RORA: variants seen among roughly 807,000 people sequenced by gnomAD.
The protein encoded by RORA is RAR related orphan receptor A, also known as nuclear receptor ROR-alpha.
RORA carries 7 observed loss-of-function variants against 69.5 expected under a neutral mutation model. That is an observed-to-expected ratio of 0.10 (90% CI 0.06 to 0.19). RORA has a LOEUF of 0.19. Among genes scored for constraint, RORA ranks in the 10% least tolerant of loss-of-function variants. The probability of loss-of-function intolerance (pLI) is 1.00; values close to 1 mark genes in which losing one functional copy is unlikely to be tolerated. For missense variants in RORA, 457 were observed against 663.0 expected (o/e 0.69, Z 3.41); for synonymous variants, 261 against 240.8 (o/e 1.08, Z -0.78).
chr15:61,036,939 G>A (rs979623645), intron 1 of RORA, among the ~76,000 whole-genome samples: 7 of 152,180 alleles, frequency 4.6e-5, no homozygotes, highest in Non-Finnish European at 8.8e-5. Context: ...AGGTCTTGGG[G>A]TATCTTCACT....
chr15:61,229,147 G>C lies in RORA; in HGVS notation c.72C>G (p.Ala24=), dbSNP rs1382151280. ...GGTTCAGCGGGGTCTCCCTGGAGCCGGCGGCCGCGTCCGCGCCGCTGCTGC... is the reference window on the plus strand; with the variant it reads ...GGTTCAGCGGGGTCTCCCTGGAGCCCGCGGCCGCGTCCGCGCCGCTGCTGC... The part of the protein sequence containing the change: ...EPGSSGADAA[A]GSRETPLNQE... The change falls in exon 1 of 11, where the codon GCC becomes GCG. Residue 24 remains alanine (A), a synonymous_variant. Coordinates refer to ENST00000335670, the MANE Select transcript of RORA (RefSeq NM_134261.3). The C allele has an allele frequency of 6.5e-7, 1 of 1,543,912 alleles. No individual in the cohort carries two copies.
intron 1 of RORA, chr15:60,841,185 A>G: frequency 1.9e-6 from 1 of 532,428 alleles, no homozygotes; most frequent in Non-Finnish European, 2.4e-6. Flanking sequence ...GAAAGAACAC[A>G]CACCCATAGA....
intron 1 of RORA, among the ~76,000 whole-genome samples, chr15:60,733,955 A>AGAGAGAGAGAGAGAGAGAG (rs66995570): frequency 7.1e-6 from 1 of 141,438 alleles, no homozygotes; most frequent in African/African-American, 2.7e-5. Context: ...AGAGAGAGAG[A>AGAGAGAGAGAGAGAGAGAG]AAGAGAAAGG....
chr15:60,812,071 C>G, intron 1 of RORA, among the ~76,000 whole-genome samples: 1 of 152,280 alleles, frequency 6.6e-6, no homozygotes, highest in Non-Finnish European at 1.5e-5. Context: ...AGCATGGCAT[C>G]TCTGATCACA....
chr15:60,852,091 C>G (rs981362345), intron 1 of RORA, among the ~76,000 whole-genome samples: 1 of 152,124 alleles, frequency 6.6e-6, no homozygotes, highest in African/African-American at 2.4e-5. Context: ...GGATCCCTGC[C>G]CCGATGGCAC....
At chr15:60,838,049 C>T (rs1324943091) in intron 1 of RORA, among the ~76,000 whole-genome samples, 5 of 152,188 alleles carry the variant, frequency 3.3e-5, no homozygotes, top group African/African-American at 1.2e-4. Flanking sequence ...CATCCAGATC[C>T]TTCAAGGCTT....
intron 1 of RORA, among the ~76,000 whole-genome samples, chr15:60,873,200 T>C (rs1194055265): frequency 1.3e-5 from 2 of 151,866 alleles, no homozygotes; most frequent in Non-Finnish European, 2.9e-5. Context: ...CCACACCAGA[T>C]TGTGGTCTTC....
intron 2 of RORA, among the ~76,000 whole-genome samples, chr15:60,675,917 A>G (rs1820358): frequency 1.2e-3 from 188 of 152,284 alleles, no homozygotes; most frequent in South Asian, 4.6e-3. Context: ...GGAAACCAAG[A>G]TTGAAATTGC....
chr15:60,726,267 T>C (rs1215002448), intron 1 of RORA, among the ~76,000 whole-genome samples: 2 of 151,948 alleles, frequency 1.3e-5, no homozygotes, highest in Non-Finnish European at 2.9e-5. Flanking sequence ...ATGAAGGAAA[T>C]GAAGGTTAAT....
chr15:61,185,989 A>G (rs1464233476), intron 1 of RORA, among the ~76,000 whole-genome samples: 1 of 152,202 alleles, frequency 6.6e-6, no homozygotes, highest in Non-Finnish European at 1.5e-5. Context: ...ACAGTGGTTA[A>G]CCTTCACTCT....
At chr15:61,092,855 C>T (rs933284363) in intron 1 of RORA, among the ~76,000 whole-genome samples, 3 of 152,208 alleles carry the variant, frequency 2.0e-5, no homozygotes, top group South Asian at 2.1e-4. Context: ...GAAGCAAGTG[C>T]TAAGGGAATT....
At chr15:60,551,323 C>T (rs902607633) in intron 2 of RORA, among the ~76,000 whole-genome samples, 6 of 151,838 alleles carry the variant, frequency 4.0e-5, no homozygotes, top group Non-Finnish European at 8.8e-5. Flanking sequence ...AGATAACAAG[C>T]AGAAGCCGGT....
At chr15:60,520,028 T>C (rs916886110) in intron 3 of RORA, 3 of 152,140 alleles carry the variant, frequency 2.0e-5, no homozygotes, top group Non-Finnish European at 4.4e-5. Context: ...GGATTACCCT[T>C]ATTTGGAAGT....
chr15:60,856,194 A>G (rs901247450), intron 1 of RORA, among the ~76,000 whole-genome samples: 1 of 152,226 alleles, frequency 6.6e-6, no homozygotes. Flanking sequence ...AAGTTAAAAG[A>G]CAATGAAAAG....
chr15:60,789,538 G>A (rs570027978), intron 1 of RORA, among the ~76,000 whole-genome samples: 7 of 152,178 alleles, frequency 4.6e-5, no homozygotes, highest in Non-Finnish European at 7.3e-5. Flanking sequence ...TATCCATACC[G>A]TTTCTTGATA....
intron 1 of RORA, among the ~76,000 whole-genome samples, chr15:61,135,678 C>A (rs971858569): frequency 6.6e-6 from 1 of 151,532 alleles, no homozygotes; most frequent in African/African-American, 2.4e-5. Flanking sequence ...GCTGCTTTTG[C>A]CGGGTACCAG....
chr15:61,098,819 T>C (rs2078835929), intron 1 of RORA, among the ~76,000 whole-genome samples: 1 of 152,224 alleles, frequency 6.6e-6, no homozygotes, highest in East Asian at 1.9e-4. Context: ...TATTGGAATG[T>C]CTAAACTTAA....
At chr15:60,772,730 C>T (rs1354048196) in intron 1 of RORA, among the ~76,000 whole-genome samples, 1 of 152,146 alleles carries the variant, frequency 6.6e-6, no homozygotes, top group Non-Finnish European at 1.5e-5. Context: ...CGTAGGGGGC[C>T]GTCCTAGCCC....
chr15:61,167,286 C>G (rs1208459757), intron 1 of RORA, among the ~76,000 whole-genome samples: 1 of 152,050 alleles, frequency 6.6e-6, no homozygotes, highest in Non-Finnish European at 1.5e-5. Flanking sequence ...TTTTCAACTT[C>G]CAGATGGATC....
Sources: gnomAD v4.1 joint callset for allele counts (sites outside exome capture counted in the v4.1 genomes callset) on GRCh38, gnomAD v4.1.1 for gene constraint, MANE v1.5 for transcripts, NCBI Gene and HGNC (gene_info 2026-07-23, HGNC 2026-07-21) for gene names.